NDUFS4: variants seen among roughly 807,000 people sequenced by gnomAD.
NDUFS4 encodes the protein NADH dehydrogenase [ubiquinone] iron-sulfur protein 4, mitochondrial.
In NDUFS4, 28 loss-of-function variants were observed where a neutral mutation model predicts 24.3. That is an observed-to-expected ratio of 1.15 (90% CI 0.85 to 1.58). The LOEUF (loss-of-function observed/expected upper bound fraction) is 1.58, where lower values mean the gene tolerates loss of function less well. Ranked by LOEUF, NDUFS4 falls within the 40% of genes most tolerant of loss-of-function variation. The pLI is 0.00. For synonymous variants in NDUFS4, 93 were observed against 69.7 expected (o/e 1.34, Z -1.67); for missense variants, 223 against 207.9 (o/e 1.07, Z -0.45).
At position 53,560,659 on chromosome 5, in the gene NDUFS4, C is replaced by T; in HGVS notation, c.-4C>T. ...CTTTCATCCTGGCGTTTGCCTGCAGCAAGATGGCGGCGGTGTCAATGTCAG... is the reference window on the plus strand; with the variant it reads ...CTTTCATCCTGGCGTTTGCCTGCAGTAAGATGGCGGCGGTGTCAATGTCAG... On this transcript the variant is annotated 5_prime_UTR_variant, in exon 1 of 5. Transcript: ENST00000296684. 6.2e-7 allele frequency: 1 copy of T among 1,614,254 alleles called. No individual in the cohort carries two copies. Among genetic ancestry groups the T allele is most frequent in the South Asian group, 1.1e-5 (1 of 91,092 alleles).
intron 2 of NDUFS4, among the ~76,000 whole-genome samples, chr5:53,621,795 G>A (rs529197585): frequency 2.7e-4 from 39 of 145,626 alleles, no homozygotes; most frequent in African/African-American, 9.5e-4. Context: ...TCCGCCTCCC[G>A]GGTTCACGCC....
intron 2 of NDUFS4, among the ~76,000 whole-genome samples, chr5:53,607,097 G>A (rs1750542360): frequency 6.6e-6 from 1 of 152,198 alleles, no homozygotes; most frequent in African/African-American, 2.4e-5. Context: ...AGGCCTGACT[G>A]TAGATCAGAC....
chr5:53,562,172 TTTTG>T (rs1204017868), intron 1 of NDUFS4, among the ~76,000 whole-genome samples: 2 of 151,982 alleles, frequency 1.3e-5, no homozygotes, highest in Admixed American at 1.3e-4. Context: ...CCTGGCTAAT[TTTTG>T]TATTTTTAGT....
intron 4 of NDUFS4, 40 bp downstream of exon 4, chr5:53,658,664 TTTATG>T: frequency 6.5e-7 from 1 of 1,541,198 alleles, no homozygotes; most frequent in Non-Finnish European, 9.0e-7. Flanking sequence ...AGATAATGAT[TTTATG>T]TTCTTAACCT....
intron 2 of NDUFS4, among the ~76,000 whole-genome samples, chr5:53,636,667 C>G (rs1027901954): frequency 1.3e-5 from 2 of 152,134 alleles, no homozygotes; most frequent in African/African-American, 4.8e-5. Context: ...CCAAATCTGA[C>G]GTGGAGATGT....
intron 4 of NDUFS4, among the ~76,000 whole-genome samples, chr5:53,673,244 G>A (rs1740340368): frequency 6.6e-6 from 1 of 152,088 alleles, no homozygotes; most frequent in Non-Finnish European, 1.5e-5. Context: ...CTGTTCTCAA[G>A]TAGCTTGTTA....
intron 2 of NDUFS4, among the ~76,000 whole-genome samples, chr5:53,605,082 G>T (rs184062493): frequency 6.6e-6 from 1 of 152,232 alleles, no homozygotes; most frequent in East Asian, 1.9e-4. Flanking sequence ...TTAGCTGGGC[G>T]TGGTGGCGGG....
At chr5:53,676,645 A>G (rs995392005) in intron 4 of NDUFS4, among the ~76,000 whole-genome samples, 2 of 152,190 alleles carry the variant, frequency 1.3e-5, no homozygotes, top group African/African-American at 4.8e-5. Flanking sequence ...CTGGCACTAA[A>G]TAGAGCACAA....
chr5:53,640,324 C>T (rs937969251), intron 2 of NDUFS4, among the ~76,000 whole-genome samples: 2 of 151,900 alleles, frequency 1.3e-5, no homozygotes, highest in East Asian at 3.9e-4. Flanking sequence ...AGAAAAAGGT[C>T]CAGAAGGAAG....
chr5:53,598,017 T>G (rs1381458779), intron 1 of NDUFS4, among the ~76,000 whole-genome samples: 3 of 152,242 alleles, frequency 2.0e-5, no homozygotes, highest in Non-Finnish European at 4.4e-5. Flanking sequence ...CAACGTCATA[T>G]GTCATTCGGG....
chr5:53,647,031 C>A (rs1014327735), intron 3 of NDUFS4, among the ~76,000 whole-genome samples: 2 of 151,498 alleles, frequency 1.3e-5, no homozygotes, highest in African/African-American at 4.8e-5. Context: ...AATATAGTGA[C>A]ACTTTAACTT....
intron 1 of NDUFS4, among the ~76,000 whole-genome samples, chr5:53,563,523 T>C (rs1312052733): frequency 6.6e-6 from 1 of 151,296 alleles, no homozygotes; most frequent in African/African-American, 2.4e-5. Flanking sequence ...TTTTTGGAGA[T>C]GTAGTTTCGC....
intron 2 of NDUFS4, among the ~76,000 whole-genome samples, chr5:53,625,253 T>C (rs966853999): frequency 1.3e-5 from 2 of 152,166 alleles, no homozygotes; most frequent in African/African-American, 4.8e-5. Context: ...TCATCATTAC[T>C]GTGTAGGTAA....
At chr5:53,582,965 G>A (rs1051574812) in intron 1 of NDUFS4, among the ~76,000 whole-genome samples, 4 of 151,992 alleles carry the variant, frequency 2.6e-5, no homozygotes, top group African/African-American at 9.7e-5. Context: ...ACAGTGGCAC[G>A]ATCTCGGCTC....
chr5:53,634,743 C>T (rs952705377), intron 2 of NDUFS4, among the ~76,000 whole-genome samples: 7 of 151,992 alleles, frequency 4.6e-5, no homozygotes. Context: ...CATATGCCAC[C>T]TTATCTGGTT....
chr5:53,587,240 G>T (rs72751832), intron 1 of NDUFS4, among the ~76,000 whole-genome samples: 19,443 of 152,010 alleles, frequency 0.13, 1,476 homozygotes, highest in Middle Eastern at 0.18. Context: ...CTTGGAGTCC[G>T]TTTATGCATA....
intron 2 of NDUFS4, among the ~76,000 whole-genome samples, chr5:53,625,412 A>C (rs1045652323): frequency 6.6e-6 from 1 of 152,192 alleles, no homozygotes; most frequent in Non-Finnish European, 1.5e-5. Context: ...GTATTCTTAA[A>C]AATTGGAAAA....
At chr5:53,586,758 T>C (rs6864497) in intron 1 of NDUFS4, among the ~76,000 whole-genome samples, 55,216 of 151,722 alleles carry the variant, frequency 0.36, 11,211 homozygotes, top group African/African-American at 0.56. Flanking sequence ...CTCCTGACCT[T>C]GTGATCCGCC....
chr5:53,643,971 G>C (rs909029242), intron 2 of NDUFS4, among the ~76,000 whole-genome samples: 1 of 152,146 alleles, frequency 6.6e-6, no homozygotes, highest in African/African-American at 2.4e-5. Context: ...TGGTAGTTAT[G>C]AGTTCAAAAT....
Sources: allele counts gnomAD v4.1 joint callset (sites outside exome capture counted in the v4.1 genomes callset), GRCh38; gene constraint gnomAD v4.1.1; transcripts MANE v1.5; gene names NCBI Gene and HGNC (gene_info 2026-07-23, HGNC 2026-07-21).